The following SEMA3E variants were observed in gnomAD, a reference collection of about 807,000 sequenced individuals.
SEMA3E encodes the protein semaphorin 3E.
In SEMA3E, 49 loss-of-function variants were observed where a neutral mutation model predicts 93.6. The ratio of observed to expected loss-of-function variants is 0.52; its 90% CI spans 0.42 to 0.66. SEMA3E has a LOEUF of 0.66. SEMA3E is among the 30% of genes least tolerant of loss of function. The pLI, the probability that SEMA3E is intolerant of heterozygous loss-of-function variation, is 0.00. For synonymous variants in SEMA3E, 363 were observed against 330.7 expected, an observed-to-expected ratio of 1.10 and a Z score of -1.06; for missense variants, 906 against 964.8, an observed-to-expected ratio of 0.94 and a Z score of 0.81.
chr7:83,604,338 T>C (rs1419327934), intron 1 of SEMA3E, among the ~76,000 whole-genome samples: 1 of 151,900 alleles, frequency 6.6e-6, no homozygotes, highest in Non-Finnish European at 1.5e-5. Context: ...TTGGAAAAAG[T>C]ACTTGAATGT....
At chr7:83,612,601 T>A (rs1254561458) in intron 1 of SEMA3E, 2 of 152,162 alleles carry the variant, frequency 1.3e-5, no homozygotes, top group Non-Finnish European at 2.9e-5. Flanking sequence ...ACTGCCTTCT[T>A]AATGCTAAGA....
chr7:83,377,535 G>A (rs1043611876), intron 16 of SEMA3E, among the ~76,000 whole-genome samples: 1 of 151,898 alleles, frequency 6.6e-6, no homozygotes, highest in East Asian at 1.9e-4. Flanking sequence ...TAGGCAGAGG[G>A]CCAGATTTGG....
intron 1 of SEMA3E, among the ~76,000 whole-genome samples, chr7:83,601,945 T>C (rs535986409): frequency 6.6e-6 from 1 of 152,324 alleles, no homozygotes; most frequent in South Asian, 2.1e-4. Flanking sequence ...GATGGGGAGA[T>C]GTAAAGACAA....
At chr7:83,527,576 GAT>G (rs765109783) in intron 1 of SEMA3E, among the ~76,000 whole-genome samples, 1 of 152,030 alleles carries the variant, frequency 6.6e-6, no homozygotes, top group Non-Finnish European at 1.5e-5. Context: ...TAAAGCCTCA[GAT>G]ATATATATTC....
At chr7:83,425,121 C>T (rs1014085172) in intron 4 of SEMA3E, 3 of 152,268 alleles carry the variant, frequency 2.0e-5, no homozygotes, top group South Asian at 2.1e-4. Context: ...TTTTTTAAAG[C>T]TCTGGAACTT....
intron 2 of SEMA3E, among the ~76,000 whole-genome samples, chr7:83,483,750 G>A (rs1790195610): frequency 6.6e-6 from 1 of 152,116 alleles, no homozygotes; most frequent in South Asian, 2.1e-4. Flanking sequence ...GAAGGAGGTG[G>A]GAAACATCAT....
In SEMA3E at chr7:83,644,197, CAA is replaced by C. The variant is rs11309191; in HGVS notation, c.115+4229_115+4230del. Among the ~76,000 whole-genome samples, 926 of 148,128 alleles carry C rather than the reference CAA, an allele frequency of 6.3e-3. 5 individuals are homozygous for C. Among genetic ancestry groups the C allele is most frequent in the African/African-American group, 0.019 (785 of 40,804 alleles). On this transcript the variant is annotated intron_variant, in intron 1 of 16. Transcript: ENST00000643230. ...ACAAATCGATATGTGTACACTACAG[CAA>C]AAAAAAAAAATATATAGGCCATGAA...
At chr7:83,452,182 T>C (rs1309108367) in intron 4 of SEMA3E, among the ~76,000 whole-genome samples, 1 of 152,134 alleles carries the variant, frequency 6.6e-6, no homozygotes, top group Non-Finnish European at 1.5e-5. Context: ...CATGAAATAT[T>C]TTGAGTGAGA....
intron 1 of SEMA3E, among the ~76,000 whole-genome samples, chr7:83,541,542 T>G (rs1233464855): frequency 1.3e-5 from 2 of 152,120 alleles, no homozygotes; most frequent in East Asian, 3.9e-4. Flanking sequence ...GAAATAGAAG[T>G]CACTGTTAGC....
intron 9 of SEMA3E, among the ~76,000 whole-genome samples, chr7:83,404,041 C>T (rs1413518460): frequency 6.6e-6 from 1 of 151,882 alleles, no homozygotes; most frequent in Non-Finnish European, 1.5e-5. Context: ...CATAGAAAAA[C>T]TAAACCGATT....
intron 1 of SEMA3E, among the ~76,000 whole-genome samples, chr7:83,598,470 C>T (rs1372839631): frequency 2.0e-5 from 3 of 152,056 alleles, no homozygotes; most frequent in East Asian, 3.9e-4. Flanking sequence ...AATATAGTGG[C>T]TTTTATAAAG....
chr7:83,568,500 G>A (rs2115859385), intron 1 of SEMA3E, among the ~76,000 whole-genome samples: 1 of 152,054 alleles, frequency 6.6e-6, no homozygotes, highest in African/African-American at 2.4e-5. Flanking sequence ...AATGAATCCA[G>A]CAGCAAATAA....
chr7:83,510,116 G>T (rs1466665779), intron 1 of SEMA3E, among the ~76,000 whole-genome samples: 1 of 152,044 alleles, frequency 6.6e-6, no homozygotes, highest in East Asian at 1.9e-4. Context: ...GAGTATTATT[G>T]TCTGTTTTTT....
intron 1 of SEMA3E, among the ~76,000 whole-genome samples, chr7:83,529,630 TA>T (rs1477328173): frequency 6.6e-6 from 1 of 152,148 alleles, no homozygotes; most frequent in African/African-American, 2.4e-5. Flanking sequence ...CTATCCAGGA[TA>T]TACTGTTATC....
chr7:83,473,895 A>T (rs1789954352), intron 2 of SEMA3E, among the ~76,000 whole-genome samples: 1 of 152,006 alleles, frequency 6.6e-6, no homozygotes, highest in South Asian at 2.1e-4. Flanking sequence ...GGAGTTTGAG[A>T]CCAGCCTGGC....
intron 1 of SEMA3E, among the ~76,000 whole-genome samples, chr7:83,580,741 A>G (rs548579002): frequency 3.7e-4 from 57 of 152,104 alleles, no homozygotes; most frequent in Non-Finnish European, 7.5e-4. Flanking sequence ...GTAACTGTCA[A>G]TTTATATAAC....
In SEMA3E at chr7:83,407,156, C is replaced by T. The variant is rs779163443; in HGVS notation, c.754G>A (p.Ala252Thr). Residue 252 changes from alanine to threonine, a missense_variant, in exon 7 of 17, where the codon GCA (alanine) becomes ACA (threonine). Coordinates refer to ENST00000643230, the MANE Select transcript of SEMA3E (RefSeq NM_012431.3). The stretch of plus-strand genomic sequence containing the variant: ...TGAGCATTGTTTTCTGCCTCCAGTG[C>T]CTTCTCAGTAAAAAAGAAATATACT... ...NKVYFFFTEK[A>T]LEAENNAHAI... 1 of 1,613,440 alleles carries T rather than the reference C, an allele frequency of 6.2e-7. No homozygotes were observed. The highest frequency in any genetic ancestry group is 1.3e-5 in the African/African-American group (1 of 74,882).
At chr7:83,472,187 A>G (rs1789911937) in intron 2 of SEMA3E, among the ~76,000 whole-genome samples, 1 of 152,192 alleles carries the variant, frequency 6.6e-6, no homozygotes, top group Non-Finnish European at 1.5e-5. Flanking sequence ...CTGCTCTCCG[A>G]AATGGCTACA....
Position 83,452,131 on chromosome 7 carries a change from A to ATG in SEMA3E, c.456+14349_456+14350dup, listed in dbSNP as rs67605953. Among the ~76,000 whole-genome samples the ATG allele has an allele frequency of 3.2e-3, 479 of 151,414 alleles. 3 individuals are homozygous for ATG. The highest frequency in any genetic ancestry group is 9.7e-3 in the African/African-American group (402 of 41,236). ...TATATCCATATGTGTATGTGTATGT[A>ATG]TGTGTGTGTGTGTGTGTCTGTGTGT... On this transcript the variant is annotated intron_variant, in intron 4 of 16. Transcript: ENST00000643230.
Sources: allele counts gnomAD v4.1 joint callset (sites outside exome capture counted in the v4.1 genomes callset), GRCh38; gene constraint gnomAD v4.1.1; transcripts MANE v1.5; gene names NCBI Gene and HGNC (gene_info 2026-07-23, HGNC 2026-07-21).